Variants in CAMTA1 observed in about 807,000 individuals in gnomAD.
The protein encoded by CAMTA1 is calmodulin-binding transcription activator 1.
In CAMTA1, 27 loss-of-function variants were observed where a neutral mutation model predicts 170.9. The ratio of observed to expected loss-of-function variants is 0.16; its 90% confidence interval spans 0.12 to 0.22. The LOEUF is 0.22. Among genes scored for constraint, CAMTA1 ranks in the 10% least tolerant of loss-of-function variants. The probability of loss-of-function intolerance (pLI) is 1.00; values close to 1 mark genes in which losing one functional copy is unlikely to be tolerated. For synonymous variants in CAMTA1, 833 were observed against 891.5 expected (o/e 0.93, Z 1.17); for missense variants, 1,619 against 2,217.2 (o/e 0.73, Z 5.42).
At chr1:7,337,579 C>T (rs927142175) in intron 5 of CAMTA1, among the ~76,000 whole-genome samples, 11 of 151,844 alleles carry the variant, frequency 7.2e-5, no homozygotes, top group Non-Finnish European at 8.8e-5. Flanking sequence ...GGGCCTCATC[C>T]AATCACAGTG....
At chr1:6,977,181 A>G (rs1026495491) in intron 3 of CAMTA1, among the ~76,000 whole-genome samples, 2 of 152,154 alleles carry the variant, frequency 1.3e-5, no homozygotes, top group Non-Finnish European at 2.9e-5. Context: ...GGAAGTTGCA[A>G]CCTGCGGAGG....
rs537423812 is a variant in CAMTA1 at position 6,997,443 on chromosome 1, C to T, written c.235-93861C>T. ...GACATCTTCTTGTGTTAGTTCCTTT[C>T]GGAAGCATGTCGCGTCTCTCCCTAT... On this transcript the variant is annotated intron_variant, in intron 3 of 22. Transcript: ENST00000303635. Among the ~76,000 whole-genome samples, 86 of 152,198 alleles carry T rather than the reference C, an allele frequency of 5.7e-4. 1 individual carries two copies. The highest frequency in any genetic ancestry group is 1.9e-3 in the African/African-American group (79 of 41,518).
intron 4 of CAMTA1, among the ~76,000 whole-genome samples, chr1:7,187,789 G>A (rs1653692304): frequency 6.6e-6 from 1 of 152,104 alleles, no homozygotes; most frequent in South Asian, 2.1e-4. Context: ...AGTGGGACCT[G>A]GCTTGAGGCC....
intron 6 of CAMTA1, among the ~76,000 whole-genome samples, chr1:7,487,214 A>G (rs116705426): frequency 0.011 from 1,630 of 151,966 alleles, 36 homozygotes; most frequent in African/African-American, 0.038. Flanking sequence ...GTTATCGGCT[A>G]CTCTTCAAGC....
chr1:7,531,734 G>A (rs775024142), intron 6 of CAMTA1, among the ~76,000 whole-genome samples: 6 of 152,200 alleles, frequency 3.9e-5, no homozygotes, highest in African/African-American at 9.6e-5. Flanking sequence ...CTCCAGAAGC[G>A]CAGAGCTTCT....
intron 6 of CAMTA1, among the ~76,000 whole-genome samples, chr1:7,488,206 G>A (rs1428073694): frequency 6.6e-6 from 1 of 152,216 alleles, no homozygotes; most frequent in Non-Finnish European, 1.5e-5. Flanking sequence ...GATCCCAGGA[G>A]CTCTCAGGTG....
At position 7,742,816 on chromosome 1, in the gene CAMTA1, A is replaced by G. The variant is rs564859576; in HGVS notation, c.4183-2019A>G. 2.3e-4 allele frequency among the ~76,000 whole-genome samples: 35 copies of G among 152,316 alleles called. 1 individual carries two copies. The highest frequency in any genetic ancestry group is 6.8e-3 in the Middle Eastern group (2 of 294). ...AGTCACAAATCAAGACGGCCAATAG[A>G]GAAGGTGAAAGAAAGCTGCAATTTT... On this transcript the variant is annotated intron_variant, in intron 16 of 22. Coordinates refer to ENST00000303635, the MANE Select transcript of CAMTA1 (RefSeq NM_015215.4).
chr1:7,026,890 A>T (rs574548576), intron 3 of CAMTA1, among the ~76,000 whole-genome samples: 2 of 152,090 alleles, frequency 1.3e-5, no homozygotes, highest in Admixed American at 6.5e-5. Flanking sequence ...GGCCTCCCAA[A>T]GTGGTGGGAT....
At chr1:7,190,596 T>C (rs1188604935) in intron 4 of CAMTA1, among the ~76,000 whole-genome samples, 1 of 152,186 alleles carries the variant, frequency 6.6e-6, no homozygotes, top group East Asian at 1.9e-4. Flanking sequence ...TTTTTACTTG[T>C]TATGCTTCCA....
intron 6 of CAMTA1, among the ~76,000 whole-genome samples, chr1:7,500,556 TGAG>T (rs2093988348): frequency 6.6e-6 from 1 of 152,124 alleles, no homozygotes; most frequent in Non-Finnish European, 1.5e-5. Flanking sequence ...ACGCTGGTCT[TGAG>T]GACGCGGCCC....
At chr1:7,603,507 C>T (rs2095462703) in intron 6 of CAMTA1, among the ~76,000 whole-genome samples, 1 of 152,134 alleles carries the variant, frequency 6.6e-6, no homozygotes, top group Non-Finnish European at 1.5e-5. Flanking sequence ...ATTGCAACCC[C>T]TGCCTTTTTT....
At chr1:7,374,264 A>C (rs1231239140) in intron 5 of CAMTA1, among the ~76,000 whole-genome samples, 1 of 152,264 alleles carries the variant, frequency 6.6e-6, no homozygotes, top group Non-Finnish European at 1.5e-5. Context: ...GGGATGGGCA[A>C]AGTTGTGAGC....
intron 4 of CAMTA1, among the ~76,000 whole-genome samples, chr1:7,120,351 T>C (rs1044487305): frequency 1.3e-5 from 2 of 152,188 alleles, no homozygotes; most frequent in Non-Finnish European, 2.9e-5. Context: ...CAAGCTCACA[T>C]AGGCCTGGCA....
chr1:7,395,002 C>T (rs374535862), intron 5 of CAMTA1, among the ~76,000 whole-genome samples: 17 of 152,118 alleles, frequency 1.1e-4, no homozygotes, highest in Admixed American at 5.9e-4. Context: ...TCTGCCTCAG[C>T]GTCCCAAGTA....
chr1:7,105,453 C>T lies in CAMTA1; in HGVS notation c.302+14082C>T, dbSNP rs1045879622. Among the ~76,000 whole-genome samples, 3 of 152,212 alleles carry T rather than the reference C, an allele frequency of 2.0e-5. No individual in the cohort carries two copies. The South Asian group carries it at 6.2e-4, about 32-fold the overall frequency. On this transcript the variant is annotated intron_variant, in intron 4 of 22. Coordinates refer to ENST00000303635, the MANE Select transcript of CAMTA1 (RefSeq NM_015215.4). ...TCTGCTGGGAACTTCCCATGAAGGG[C>T]ATGACAGGCCCACGGTGGGGTGGCT...
intron 3 of CAMTA1, among the ~76,000 whole-genome samples, chr1:7,052,188 A>T (rs1239858449): frequency 6.6e-6 from 1 of 151,840 alleles, no homozygotes; most frequent in Non-Finnish European, 1.5e-5. Flanking sequence ...TTGTGGGGCC[A>T]CCCTTGGGCC....
At chr1:7,186,617 G>T (rs565680598) in intron 4 of CAMTA1, among the ~76,000 whole-genome samples, 2 of 152,200 alleles carry the variant, frequency 1.3e-5, no homozygotes, top group African/African-American at 2.4e-5. Context: ...CTGCAAGTTG[G>T]CAGTCATTCA....
rs144440614 is a variant in CAMTA1, at chr1:7,557,088, G to T, written c.511-83312G>T. Among the ~76,000 whole-genome samples, 45 of 152,140 alleles carry T rather than the reference G, an allele frequency of 3.0e-4. 1 individual carries two copies. The East Asian group carries it at 8.3e-3, about 28-fold the overall frequency. ...TTGGGGAGACCGAGGCGGGAGGATTGCCAGACCTCAGGAGTTCGAGACCAG... is the reference window on the plus strand; with the variant it reads ...TTGGGGAGACCGAGGCGGGAGGATTTCCAGACCTCAGGAGTTCGAGACCAG... On this transcript the variant is annotated intron_variant, in intron 6 of 22. Coordinates refer to ENST00000303635, the MANE Select transcript of CAMTA1 (RefSeq NM_015215.4).
At chr1:7,756,208 C>A (rs1577451323) in intron 22 of CAMTA1, among the ~76,000 whole-genome samples, 1 of 151,806 alleles carries the variant, frequency 6.6e-6, no homozygotes, top group African/African-American at 2.4e-5. Flanking sequence ...TTCTAAATCT[C>A]TCCCTCCCTG....
Sources: allele counts gnomAD v4.1 joint callset (sites outside exome capture counted in the v4.1 genomes callset), GRCh38; gene constraint gnomAD v4.1.1; transcripts MANE v1.5; gene names NCBI Gene and HGNC (gene_info 2026-07-23, HGNC 2026-07-21).